ANKMY1: variants seen among roughly 807,000 people sequenced by gnomAD.
ANKMY1 encodes ankyrin repeat and MYND domain containing 1.
In ANKMY1, 98 loss-of-function variants were observed where a neutral mutation model predicts 102.0. That is an observed-to-expected ratio of 0.96 (90% CI 0.82 to 1.14). The LOEUF (loss-of-function observed/expected upper bound fraction) is 1.14. ANKMY1 is among the 50% of genes most tolerant of loss of function. The probability of loss-of-function intolerance (pLI) is 0.00; values close to 1 mark genes in which losing one functional copy is unlikely to be tolerated. For synonymous variants in ANKMY1, 582 were observed against 559.9 expected, an observed-to-expected ratio of 1.04 and a Z score of -0.56; for missense variants, 1,330 against 1,347.6, an observed-to-expected ratio of 0.99 and a Z score of 0.20.
chr2:240,529,646 T>A lies in ANKMY1; in HGVS notation c.481-137A>T. 1.1e-6 allele frequency: 1 copy of A among 880,834 alleles called. No homozygotes were observed. Among genetic ancestry groups the A allele is most frequent in the Non-Finnish European group, 1.7e-6 (1 of 593,662 alleles). The allele number at this position is 880,834 out of a possible 1,614,324, so 54.6% of individuals were successfully genotyped here. A position where few individuals can be genotyped will look rare whatever the true frequency, so the allele number is the denominator to read the frequency against. On this transcript the variant is annotated intron_variant, in intron 4 of 17. Transcript: ENST00000401804. The surrounding 1 kb of genome is among the most constrained non-coding windows in gnomAD (Gnocchi z 4.2). ...CATGCATTCAGCCAGTAAACATCTC[T>A]GGAGGCTTAGGCTGTGCCGCCCAGG...
At position 240,499,643 on chromosome 2, in the gene ANKMY1, A is replaced by C. The variant is rs1188571356; in HGVS notation, c.2806+315T>G. Among the ~76,000 whole-genome samples, 4 of 151,994 alleles carry C rather than the reference A, an allele frequency of 2.6e-5. No individual in the cohort carries two copies. The highest frequency in any genetic ancestry group is 2.0e-4 in the Admixed American group (3 of 15,276). On this transcript the variant is annotated intron_variant, in intron 15 of 17. Coordinates refer to ENST00000401804, the MANE Select transcript of ANKMY1 (RefSeq NM_001282771.3). This position sits in a 1 kb window ranked among gnomAD's most constrained non-coding sequence, Gnocchi z 4.2. ...GGCCCACAGTCCCTGTGCCGGATAG[A>C]CTGGCACTCCTGACAGGGCTCCCGC...
chr2:240,508,759 G>GATGAATGA (rs71049505), intron 12 of ANKMY1, among the ~76,000 whole-genome samples: 1 of 151,158 alleles, frequency 6.6e-6, no homozygotes. Flanking sequence ...ATGATAGATG[G>GATGAATGA]ATGAATGAAT....
chr2:240,500,393 G>T (rs531580303), intron 14 of ANKMY1, 59 bp downstream of exon 14: 5 of 1,504,968 alleles, frequency 3.3e-6, no homozygotes, highest in Admixed American at 3.6e-5. Context: ...TGCCCCAGCC[G>T]GGGGCCCTGC....
chr2:240,522,574 A>G (rs958606203), intron 8 of ANKMY1: 1 of 152,194 alleles, frequency 6.6e-6, no homozygotes, highest in African/African-American at 2.4e-5. Context: ...GTGGTGAGCT[A>G]GCTACCTGGC....
At chr2:240,497,631 T>C (rs776617221) in intron 15 of ANKMY1, among the ~76,000 whole-genome samples, 32 of 152,244 alleles carry the variant, frequency 2.1e-4, no homozygotes, top group Middle Eastern at 3.2e-3. Context: ...TAGTTTTCTC[T>C]AGCAATTAGC....
intron 15 of ANKMY1, among the ~76,000 whole-genome samples, chr2:240,487,315 A>G (rs1314221878): frequency 6.6e-6 from 1 of 152,142 alleles, no homozygotes; most frequent in East Asian, 1.9e-4. Context: ...TGATTTAATT[A>G]TTGTCTATGT....
intron 11 of ANKMY1, among the ~76,000 whole-genome samples, chr2:240,509,695 C>G (rs901674354): frequency 3.3e-5 from 5 of 152,264 alleles, no homozygotes; most frequent in Non-Finnish European, 5.9e-5. Flanking sequence ...TTCATCACTT[C>G]CAAATGAAAA....
At chr2:240,522,347 T>G (rs1011334512) in intron 8 of ANKMY1, 2 of 152,236 alleles carry the variant, frequency 1.3e-5, no homozygotes, top group Non-Finnish European at 2.9e-5. Flanking sequence ...TAAGTAACAC[T>G]GTCACAAAAA....
rs2091773552 is a variant in ANKMY1, at chr2:240,552,923, C to A, written c.471G>T (p.Arg157=). Residue 157 remains arginine (R), a synonymous_variant, in exon 4 of 18, where the codon CGG becomes CGT. Coordinates refer to ENST00000401804, the MANE Select transcript of ANKMY1 (RefSeq NM_001282771.3). ...ATGGCAGCCCCCTCACCTGGAAAAG[C>A]CGTGTCTTCATGTACATGGTGCCGT... ...EGYGTMYMKT[R]LFQGLYKADQ... 1 of 1,613,768 alleles carries A rather than the reference C, an allele frequency of 6.2e-7. No homozygotes were observed. Among genetic ancestry groups the A allele is most frequent in the Non-Finnish European group, 8.5e-7 (1 of 1,180,012 alleles).
intron 4 of ANKMY1, chr2:240,531,981 C>A: frequency 4.1e-6 from 1 of 246,552 alleles, no homozygotes; most frequent in Non-Finnish European, 9.1e-6. Flanking sequence ...AAATGGAAGA[C>A]ACAGAAATGA....
chr2:240,521,001 A>G (rs994296712), intron 8 of ANKMY1, among the ~76,000 whole-genome samples: 34 of 152,104 alleles, frequency 2.2e-4, no homozygotes, highest in Admixed American at 2.1e-3. Context: ...ACACAGGCGC[A>G]CACACACCTC....
At chr2:240,488,143 T>A (rs2076265754) in intron 15 of ANKMY1, among the ~76,000 whole-genome samples, 1 of 152,186 alleles carries the variant, frequency 6.6e-6, no homozygotes, top group Admixed American at 6.5e-5. Flanking sequence ...GAGTCTATTT[T>A]TATATATGGT....
intron 4 of ANKMY1, among the ~76,000 whole-genome samples, chr2:240,544,491 T>TG (rs1054739449): frequency 4.2e-4 from 64 of 151,996 alleles, no homozygotes; most frequent in Admixed American, 1.9e-3. Context: ...GTCTTACTCT[T>TG]GGGGGGGGAG....
At chr2:240,542,905 C>T (rs963556619) in intron 4 of ANKMY1, among the ~76,000 whole-genome samples, 1 of 149,922 alleles carries the variant, frequency 6.7e-6, no homozygotes, top group African/African-American at 2.4e-5. Flanking sequence ...AAATTATTTA[C>T]TTAATTTTCA....
At chr2:240,500,664 C>A in intron 13 of ANKMY1, 99 bp from the exon 14 acceptor site, 2 of 1,001,222 alleles carry the variant, frequency 2.0e-6, no homozygotes, top group South Asian at 1.5e-5. Flanking sequence ...CTGCAGTCCC[C>A]ACCAAGGCCG....
intron 15 of ANKMY1, among the ~76,000 whole-genome samples, chr2:240,498,866 T>C (rs1269525750): frequency 6.6e-6 from 1 of 152,110 alleles, no homozygotes; most frequent in African/African-American, 2.4e-5. Flanking sequence ...TCTCCCTCTC[T>C]CTCTTGCCAT....
At chr2:240,478,319 G>A (rs890738661), downstream of ANKMY1, among the ~76,000 whole-genome samples, 1 of 152,192 alleles carries the variant, frequency 6.6e-6, no homozygotes, top group Admixed American at 6.5e-5. Context: ...GTCACTTACA[G>A]GTTCTTTCTT....
intron 4 of ANKMY1, among the ~76,000 whole-genome samples, chr2:240,547,406 A>G (rs1473188264): frequency 6.6e-6 from 1 of 151,586 alleles, no homozygotes; most frequent in Non-Finnish European, 1.5e-5. Flanking sequence ...CACAAGAGAA[A>G]GCAGGAAAGA....
Position 240,538,542 on chromosome 2 carries a change from G to A in ANKMY1, c.481-9033C>T, listed in dbSNP as rs926346411. Among the ~76,000 whole-genome samples the A allele has an allele frequency of 4.6e-5, 7 of 152,270 alleles. No homozygotes were observed. The South Asian group carries it at 6.2e-4, about 14-fold the overall frequency. The stretch of plus-strand genomic sequence containing the variant: ...CGGGGCAGGGCTCGGGACCTGCAGC[G>A]TGCCATGCCCGAGCGCCCCCACCTC... On this transcript the variant is annotated intron_variant, in intron 4 of 17. Coordinates refer to ENST00000401804, the MANE Select transcript of ANKMY1 (RefSeq NM_001282771.3).
Sources: allele counts gnomAD v4.1 joint callset (sites outside exome capture counted in the v4.1 genomes callset), GRCh38; gene constraint gnomAD v4.1.1; non-coding constraint Gnocchi (gnomAD v3.1); transcripts MANE v1.5; gene names NCBI Gene and HGNC (gene_info 2026-07-23, HGNC 2026-07-21).